Variants in IMMP2L observed in about 807,000 individuals in gnomAD.
The protein encoded by IMMP2L is mitochondrial inner membrane protease subunit 2.
IMMP2L carries 18 observed loss-of-function variants against 19.3 expected under a neutral mutation model. The ratio of observed to expected loss-of-function variants is 0.93; its 90% CI spans 0.64 to 1.38. IMMP2L has a LOEUF of 1.38. IMMP2L is among the 40% of genes most tolerant of loss of function. The probability of loss-of-function intolerance (pLI) is 0.00; values close to 1 mark genes in which losing one functional copy is unlikely to be tolerated. For synonymous variants in IMMP2L, 76 were observed against 73.0 expected (o/e 1.04, Z -0.21); for missense variants, 233 against 218.2 (o/e 1.07, Z -0.43).
intron 5 of IMMP2L, among the ~76,000 whole-genome samples, chr7:110,797,882 C>A (rs1800967951): frequency 6.6e-6 from 1 of 151,798 alleles, no homozygotes; most frequent in Admixed American, 6.6e-5. Flanking sequence ...TGATAAATAA[C>A]CTAAAAATCA....
intron 5 of IMMP2L, among the ~76,000 whole-genome samples, chr7:110,782,526 C>A (rs1156654742): frequency 6.6e-6 from 1 of 151,644 alleles, no homozygotes; most frequent in Non-Finnish European, 1.5e-5. Context: ...CTTTTTAAGA[C>A]TTTTTTTGTA....
At chr7:111,465,487 A>C (rs1388079562) in intron 3 of IMMP2L, among the ~76,000 whole-genome samples, 1 of 145,292 alleles carries the variant, frequency 6.9e-6, no homozygotes, top group African/African-American at 2.6e-5. Context: ...GTAGTGTTTG[A>C]GACCAGGTGT....
At chr7:111,427,909 T>C (rs78703764) in intron 3 of IMMP2L, among the ~76,000 whole-genome samples, 7,035 of 151,936 alleles carry the variant, frequency 0.046, 267 homozygotes, top group South Asian at 0.082. Context: ...ATGAAACACA[T>C]TGGACTTAAG....
chr7:111,441,738 A>G (rs1356390027), intron 3 of IMMP2L, among the ~76,000 whole-genome samples: 3 of 149,136 alleles, frequency 2.0e-5, no homozygotes, highest in Admixed American at 6.7e-5. Flanking sequence ...AAAAAAAAAG[A>G]AAACACAGTA....
chr7:110,733,059 G>A (rs945680779), intron 5 of IMMP2L, among the ~76,000 whole-genome samples: 1 of 152,160 alleles, frequency 6.6e-6, no homozygotes, highest in Non-Finnish European at 1.5e-5. Flanking sequence ...AAGATTACAG[G>A]TGTGAGCCAC....
chr7:111,299,147 A>G (rs1025502938), intron 3 of IMMP2L, among the ~76,000 whole-genome samples: 1 of 152,194 alleles, frequency 6.6e-6, no homozygotes, highest in Non-Finnish European at 1.5e-5. Context: ...AGGCAAAGAC[A>G]GAAGGCACCA....
rs538531945 is a variant in IMMP2L, at chr7:111,344,165, A to G, written c.239+143073T>C. Among the ~76,000 whole-genome samples the G allele has an allele frequency of 4.6e-5, 7 of 152,200 alleles. No homozygotes were observed. The East Asian group carries it at 5.8e-4, about 13-fold the overall frequency. On this transcript the variant is annotated intron_variant, in intron 3 of 5. Transcript: ENST00000405709. Reference sequence around the variant, plus strand: ...GTCACTTTACTTAAAATCTCTCTCAATGACTTCCTACCATCCTATTAATGA... The same window carrying G: ...GTCACTTTACTTAAAATCTCTCTCAGTGACTTCCTACCATCCTATTAATGA...
intron 3 of IMMP2L, among the ~76,000 whole-genome samples, chr7:111,217,155 C>CACACAA (rs1562937135): frequency 5.9e-5 from 9 of 151,358 alleles, no homozygotes; most frequent in African/African-American, 2.2e-4. Context: ...CACACACACA[C>CACACAA]ACACAATATG....
chr7:110,898,807 G>GT (rs1030654881), intron 4 of IMMP2L, among the ~76,000 whole-genome samples: 3,147 of 127,528 alleles, frequency 0.025, 55 homozygotes, highest in Admixed American at 0.076. Context: ...TCCTGAGTTT[G>GT]TTTTTTTTTT....
chr7:110,848,481 T>G, intron 5 of IMMP2L, among the ~76,000 whole-genome samples: 1 of 152,154 alleles, frequency 6.6e-6, no homozygotes. Context: ...TGATAGTCAC[T>G]TTAGAATACA....
intron 5 of IMMP2L, among the ~76,000 whole-genome samples, chr7:110,781,628 T>C (rs1799752760): frequency 6.6e-6 from 1 of 151,826 alleles, no homozygotes; most frequent in Non-Finnish European, 1.5e-5. Context: ...ATATTCATTT[T>C]CCTACGTTCA....
intron 3 of IMMP2L, among the ~76,000 whole-genome samples, chr7:111,014,798 A>T (rs558700742): frequency 6.6e-6 from 1 of 152,324 alleles, no homozygotes; most frequent in South Asian, 2.1e-4. Context: ...ATGACATACA[A>T]ATGGCCAACA....
At chr7:110,811,974 T>G (rs1339815712) in intron 5 of IMMP2L, among the ~76,000 whole-genome samples, 1 of 152,088 alleles carries the variant, frequency 6.6e-6, no homozygotes, top group Non-Finnish European at 1.5e-5. Context: ...TTGCTGCTAC[T>G]TCTACCTCTA....
intron 3 of IMMP2L, among the ~76,000 whole-genome samples, chr7:110,994,644 C>A (rs1206044286): frequency 6.6e-6 from 1 of 152,154 alleles, no homozygotes; most frequent in Non-Finnish European, 1.5e-5. Context: ...CATGTCCCCT[C>A]CTACAACCAC....
intron 3 of IMMP2L, among the ~76,000 whole-genome samples, chr7:110,967,261 T>G (rs1449657541): frequency 1.3e-5 from 2 of 151,978 alleles, no homozygotes; most frequent in Non-Finnish European, 2.9e-5. Flanking sequence ...AATTTCATGT[T>G]TTTTTATGTT....
chr7:110,901,040 CTT>C (rs1811812590), intron 4 of IMMP2L, among the ~76,000 whole-genome samples: 1 of 151,918 alleles, frequency 6.6e-6, no homozygotes, highest in African/African-American at 2.4e-5. Flanking sequence ...TTTCTTCAGA[CTT>C]ATTTTCTAAC....
chr7:111,437,387 C>G (rs7783454), intron 3 of IMMP2L, among the ~76,000 whole-genome samples: 3,559 of 151,770 alleles, frequency 0.023, 240 homozygotes, highest in African/African-American at 0.082. Flanking sequence ...AGAGGTTGCA[C>G]TGAGCCGAGA....
At chr7:111,413,513 G>A (rs1333346543) in intron 3 of IMMP2L, among the ~76,000 whole-genome samples, 1 of 152,058 alleles carries the variant, frequency 6.6e-6, no homozygotes, top group Non-Finnish European at 1.5e-5. Flanking sequence ...TCATGATGAG[G>A]TTTGGCTTAT....
At chr7:111,548,351 T>A (rs1338757035) in intron 1 of IMMP2L, among the ~76,000 whole-genome samples, 1 of 151,990 alleles carries the variant, frequency 6.6e-6, no homozygotes, top group Non-Finnish European at 1.5e-5. Flanking sequence ...ACAGGAATTG[T>A]CTGTACTATT....
Sources: allele counts gnomAD v4.1 joint callset (sites outside exome capture counted in the v4.1 genomes callset), GRCh38; gene constraint gnomAD v4.1.1; transcripts MANE v1.5; gene names NCBI Gene and HGNC (gene_info 2026-07-23, HGNC 2026-07-21).